Variants in DAB1 observed in about 807,000 individuals in gnomAD.
DAB1 encodes the protein disabled homolog 1.
In DAB1, 15 loss-of-function variants were observed where a neutral mutation model predicts 64.6. That is an observed-to-expected ratio of 0.23 (90% confidence interval 0.16 to 0.36). The LOEUF (loss-of-function observed/expected upper bound fraction) is 0.36. DAB1 is among the 10% of genes least tolerant of loss of function. DAB1 has a pLI of 1.00. For missense variants in DAB1, 596 were observed against 706.7 expected, an observed-to-expected ratio of 0.84 and a Z score of 1.78; for synonymous variants, 235 against 251.9, an observed-to-expected ratio of 0.93 and a Z score of 0.64.
Position 58,489,497 on chromosome 1 carries a change from G to T in DAB1, n.257+16563C>A, listed in dbSNP as rs527983359. Among the ~76,000 whole-genome samples the T allele has an allele frequency of 6.3e-4, 96 of 152,334 alleles. No homozygotes were observed. The South Asian group carries it at 0.018, about 29-fold the overall frequency. ...AGCTCAAGGAGGCCTGCCTGCCTGT[G>T]TAGACTCCACCTCTGGGGGCAGGGC... On this transcript the variant is annotated intron_variant and non_coding_transcript_variant, in intron 3 of 20. Coordinates refer to the DAB1 transcript ENST00000485760.
At chr1:58,073,759 T>A (rs1649421680) in intron 5 of DAB1, among the ~76,000 whole-genome samples, 1 of 152,190 alleles carries the variant, frequency 6.6e-6, no homozygotes, top group Non-Finnish European at 1.5e-5. Flanking sequence ...TGTGATTTGT[T>A]AAGCCTTCAG....
chr1:57,480,295 A>G (rs909995310), intron 7 of DAB1, among the ~76,000 whole-genome samples: 2 of 152,180 alleles, frequency 1.3e-5, no homozygotes, highest in African/African-American at 4.8e-5. Flanking sequence ...AGGAAAGAAC[A>G]TGGGCTCTAG....
intron 4 of DAB1, among the ~76,000 whole-genome samples, chr1:58,274,867 C>G (rs562493553): frequency 6.6e-6 from 1 of 151,754 alleles, no homozygotes; most frequent in Admixed American, 6.6e-5. Flanking sequence ...CTTCGGCTCG[C>G]GCACGGTGCG....
chr1:58,283,155 C>G (rs1415458282), intron 4 of DAB1, among the ~76,000 whole-genome samples: 1 of 151,752 alleles, frequency 6.6e-6, no homozygotes, highest in African/African-American at 2.4e-5. Flanking sequence ...CCCCAGCGCT[C>G]TCCTCTCTTG....
intron 2 of DAB1, among the ~76,000 whole-genome samples, chr1:57,289,308 T>C (rs1446712710): frequency 1.3e-5 from 2 of 152,232 alleles, no homozygotes; most frequent in Non-Finnish European, 2.9e-5. Context: ...GCAGGTTTAG[T>C]GGAAAGGTTA....
intron 3 of DAB1, chr1:58,480,868 T>C (rs547776525): frequency 8.4e-5 from 37 of 442,790 alleles, no homozygotes; most frequent in South Asian, 4.6e-4. Context: ...CTGAATATCC[T>C]TTTTTTTTTC....
intron 5 of DAB1, among the ~76,000 whole-genome samples, chr1:58,129,707 C>T (rs901625181): frequency 8.8e-5 from 13 of 148,288 alleles, no homozygotes; most frequent in African/African-American, 2.7e-4. Flanking sequence ...GCCTTCATTT[C>T]GTTATGTACC....
intron 4 of DAB1, among the ~76,000 whole-genome samples, chr1:58,277,740 G>C (rs981709944): frequency 6.6e-6 from 1 of 152,160 alleles, no homozygotes; most frequent in African/African-American, 2.4e-5. Context: ...CTCTTCTGCA[G>C]CCTCATCAGT....
intron 7 of DAB1, among the ~76,000 whole-genome samples, chr1:57,631,009 A>T (rs1257255793): frequency 6.6e-6 from 1 of 152,240 alleles, no homozygotes; most frequent in Non-Finnish European, 1.5e-5. Flanking sequence ...AGAAAACAGA[A>T]TATGAATGTG....
At chr1:57,049,175 TACAA>T (rs913084942) in intron 9 of DAB1, among the ~76,000 whole-genome samples, 2 of 152,014 alleles carry the variant, frequency 1.3e-5, no homozygotes, top group Non-Finnish European at 2.9e-5. Flanking sequence ...AAGGCTGATG[TACAA>T]ACAGTCTTAG....
intron 3 of DAB1, among the ~76,000 whole-genome samples, chr1:58,502,667 G>A (rs1292644481): frequency 6.6e-6 from 1 of 152,218 alleles, no homozygotes; most frequent in African/African-American, 2.4e-5. Flanking sequence ...TACTGCCTGA[G>A]AAACTGCCTT....
At chr1:58,137,557 C>A (rs1654017796) in intron 5 of DAB1, among the ~76,000 whole-genome samples, 1 of 152,174 alleles carries the variant, frequency 6.6e-6, no homozygotes, top group Admixed American at 6.5e-5. Flanking sequence ...ATCCATCCAT[C>A]CACCTCTATC....
chr1:58,265,751 T>G (rs1405815148), intron 4 of DAB1, among the ~76,000 whole-genome samples: 3 of 152,242 alleles, frequency 2.0e-5, no homozygotes, highest in African/African-American at 7.2e-5. Context: ...TCAGAATTTT[T>G]AGGAGCAAAA....
At chr1:57,054,618 C>T (rs950195659) in intron 9 of DAB1, among the ~76,000 whole-genome samples, 27 of 151,936 alleles carry the variant, frequency 1.8e-4, no homozygotes, top group African/African-American at 6.5e-4. Flanking sequence ...GCTGGGACTG[C>T]AGGTACCCGC....
chr1:57,091,458 T>A (rs1653671303), intron 4 of DAB1, among the ~76,000 whole-genome samples: 1 of 152,190 alleles, frequency 6.6e-6, no homozygotes, highest in South Asian at 2.1e-4. Flanking sequence ...CATTTTGTTA[T>A]CCTTATAATA....
At chr1:58,406,332 C>T (rs372987626) in intron 3 of DAB1, among the ~76,000 whole-genome samples, 5 of 152,304 alleles carry the variant, frequency 3.3e-5, no homozygotes, top group South Asian at 4.1e-4. Context: ...AAAAAGAGAA[C>T]GACCTCTTTT....
intron 7 of DAB1, among the ~76,000 whole-genome samples, chr1:57,480,165 A>AC (rs1036268546): frequency 1.3e-5 from 2 of 151,714 alleles, no homozygotes; most frequent in African/African-American, 4.9e-5. Flanking sequence ...AAAAAAAAAA[A>AC]AAGACAAAGC....
chr1:57,797,302 A>T (rs1254993807), intron 6 of DAB1, among the ~76,000 whole-genome samples: 1 of 152,216 alleles, frequency 6.6e-6, no homozygotes, highest in Non-Finnish European at 1.5e-5. Context: ...CCTTAGGCTC[A>T]GCCCCAGACA....
At chr1:57,226,985 C>T (rs967887364) in intron 2 of DAB1, among the ~76,000 whole-genome samples, 1 of 150,686 alleles carries the variant, frequency 6.6e-6, no homozygotes, top group African/African-American at 2.5e-5. Context: ...CAAGACTAGC[C>T]TGGGCAACAT....
Sources: gnomAD v4.1 joint callset for allele counts (sites outside exome capture counted in the v4.1 genomes callset) on GRCh38, gnomAD v4.1.1 for gene constraint, MANE v1.5 for transcripts, NCBI Gene and HGNC (gene_info 2026-07-23, HGNC 2026-07-21) for gene names.